The following INTS9 variants were observed in gnomAD, a reference collection of about 807,000 sequenced individuals.
The protein encoded by INTS9 is integrator complex subunit 9.
INTS9 carries 55 observed loss-of-function variants against 79.7 expected under a neutral mutation model. The ratio of observed to expected loss-of-function variants is 0.69; its 90% CI spans 0.56 to 0.86. The LOEUF is 0.86. Among genes scored for constraint, INTS9 ranks in the 40% least tolerant of loss-of-function variants. The probability of loss-of-function intolerance (pLI) is 0.00; values close to 1 mark genes in which losing one functional copy is unlikely to be tolerated. For missense variants in INTS9, 721 were observed against 831.5 expected (o/e 0.87, Z 1.64); for synonymous variants, 319 against 325.2 (o/e 0.98, Z 0.20).
chr8:28,801,753 C>T (rs931095331), intron 8 of INTS9, among the ~76,000 whole-genome samples: 1 of 152,148 alleles, frequency 6.6e-6, no homozygotes, highest in Non-Finnish European at 1.5e-5. Flanking sequence ...GCTGGGACCA[C>T]AGGTGTGTGC....
Position 28,768,191 on chromosome 8 carries a change from T to A in INTS9, c.1932A>T (p.Arg644Ser). Residue 644 changes from arginine to serine, a missense_variant, in exon 17 of 17, where the codon AGA becomes AGT. Physicochemically the swap from Arg to Ser is moderately radical, Grantham distance 110. Transcript: ENST00000521022. ...TGAGGACAAGGTCCCGCAGTCGCAC[T>A]CTGAGCATCTCGTCATTGTCGCAGA... ...HIICDNDEMLRVRLRDLVLKF... is the reference protein window; with the variant it reads ...HIICDNDEMLSVRLRDLVLKF... The A allele has an allele frequency of 6.2e-7, 1 of 1,614,218 alleles. No homozygotes were observed. The highest frequency in any genetic ancestry group is 8.5e-7 in the Non-Finnish European group (1 of 1,180,038).
In INTS9 at chr8:28,778,044, C is replaced by CAGTCAGGG. The variant is rs1803000008; in HGVS notation, c.1271-99_1271-92dup. 2.9e-6 allele frequency: 4 copies of CAGTCAGGG among 1,397,232 alleles called. No homozygotes were observed. In the East Asian group the frequency reaches 1.0e-4, roughly 36 times the overall value. The allele number at this position is 1,397,232 out of a possible 1,614,324, so 86.6% of individuals were successfully genotyped here. A position where few individuals can be genotyped will look rare whatever the true frequency, so the allele number is the denominator to read the frequency against. Reference sequence around the variant, plus strand: ...AACTGGGGCGCTGAGGGCCCACAGACAGTCAGGGGGTCAGGAGGGAGCCAG... The same window carrying CAGTCAGGG: ...AACTGGGGCGCTGAGGGCCCACAGACAGTCAGGGAGTCAGGGGGTCAGGAGGGAGCCAG... On this transcript the variant is annotated intron_variant, in intron 12 of 16. Coordinates refer to ENST00000521022, the MANE Select transcript of INTS9 (RefSeq NM_018250.4).
intron 11 of INTS9, among the ~76,000 whole-genome samples, chr8:28,786,603 T>C (rs554788880): frequency 6.6e-6 from 1 of 152,018 alleles, no homozygotes; most frequent in East Asian, 2.0e-4. Context: ...AAATTCTAGA[T>C]TTGTGTGTGT....
chr8:28,813,552 T>C lies in INTS9; in HGVS notation c.549A>G (p.Thr183=). Residue 183 remains threonine (T), a synonymous_variant, in exon 7 of 17, where the codon ACA becomes ACG. Transcript: ENST00000521022. ...VEVSTWRRCY[T]MQEVNSALSK... ...TAAGGGCAGAGTTCACCTCTTGCAT[T>C]GTATAGCATCTTCTCCAGGTTGAGA... The C allele has an allele frequency of 1.9e-6, 3 of 1,613,844 alleles. No individual in the cohort carries two copies. Among genetic ancestry groups the C allele is most frequent in the Non-Finnish European group, 2.5e-6 (3 of 1,179,738 alleles).
chr8:28,888,858 T>G (rs976424836), intron 1 of INTS9, among the ~76,000 whole-genome samples: 2 of 152,142 alleles, frequency 1.3e-5, no homozygotes, highest in Non-Finnish European at 2.9e-5. Context: ...AGGTGTGTTG[T>G]GTGGTTTGGC....
intron 1 of INTS9, among the ~76,000 whole-genome samples, chr8:28,879,067 T>C (rs1283601957): frequency 6.6e-6 from 1 of 152,132 alleles, no homozygotes; most frequent in African/African-American, 2.4e-5. Context: ...GAGGAAACAT[T>C]TTCCAACGCA....
At chr8:28,787,408 A>C (rs916515548) in intron 11 of INTS9, among the ~76,000 whole-genome samples, 6 of 152,250 alleles carry the variant, frequency 3.9e-5, no homozygotes, top group African/African-American at 1.4e-4. Context: ...GAACAGAAGC[A>C]GGCTATGAAT....
intron 6 of INTS9, among the ~76,000 whole-genome samples, chr8:28,817,336 G>T (rs1805547356): frequency 6.6e-6 from 1 of 152,154 alleles, no homozygotes; most frequent in Non-Finnish European, 1.5e-5. Context: ...TTTATATAAG[G>T]TGTAAGGAAG....
chr8:28,813,424 CCAAACAA>C (rs1423645341), intron 7 of INTS9, 61 bp downstream of exon 7: 37 of 1,504,634 alleles, frequency 2.5e-5, no homozygotes, highest in Non-Finnish European at 2.9e-5. Flanking sequence ...TAGGATTCTT[CCAAACAA>C]CAAACAACAA....
At chr8:28,863,129 G>A (rs1177903183) in intron 1 of INTS9, among the ~76,000 whole-genome samples, 1 of 152,070 alleles carries the variant, frequency 6.6e-6, no homozygotes, top group Admixed American at 6.5e-5. Flanking sequence ...ATTCTACAGC[G>A]GCATTCACTA....
At chr8:28,835,214 A>T (rs2131175690) in intron 6 of INTS9, 78 bp downstream of exon 6, 2 of 869,598 alleles carry the variant, frequency 2.3e-6, no homozygotes, top group Non-Finnish European at 3.7e-6. Context: ...TTAAGCATAG[A>T]GGAAGAAATC....
intron 6 of INTS9, among the ~76,000 whole-genome samples, chr8:28,813,855 G>A (rs1357436461): frequency 3.3e-5 from 5 of 151,986 alleles, no homozygotes; most frequent in Admixed American, 6.6e-5. Context: ...CCACCTCCCG[G>A]GTTCAAGCGA....
At chr8:28,850,722 C>T (rs974019521) in intron 2 of INTS9, among the ~76,000 whole-genome samples, 2 of 152,194 alleles carry the variant, frequency 1.3e-5, no homozygotes, top group Non-Finnish European at 2.9e-5. Context: ...CATCAGCATT[C>T]ACAACAAACA....
intron 1 of INTS9, chr8:28,862,164 T>C: frequency 1.0e-6 from 1 of 985,422 alleles, no homozygotes; most frequent in Non-Finnish European, 1.2e-6. Flanking sequence ...CAATTCCAGT[T>C]TTCTTCCTCT....
At chr8:28,825,095 A>C (rs1806073960) in intron 6 of INTS9, among the ~76,000 whole-genome samples, 1 of 152,062 alleles carries the variant, frequency 6.6e-6, no homozygotes. Context: ...TCAAGGAAAA[A>C]CCCAAGGTTC....
chr8:28,878,713 C>A (rs1006666378), intron 1 of INTS9, among the ~76,000 whole-genome samples: 24 of 151,264 alleles, frequency 1.6e-4, no homozygotes, highest in Middle Eastern at 3.2e-3. Context: ...CGCGGTGGCT[C>A]ACGCCTATAA....
Position 28,768,057 on chromosome 8 carries a change from A to T in INTS9, c.*89T>A. ...CAGAGGACACCACAAAGACACAGTT[A>T]ATGGCCTCTCATGCCACTCCTCAGG... On this transcript the variant is annotated 3_prime_UTR_variant, in exon 17 of 17. Transcript: ENST00000521022. 1 of 1,195,404 alleles carries T rather than the reference A, an allele frequency of 8.4e-7. No individual in the cohort carries two copies. Among genetic ancestry groups the T allele is most frequent in the Non-Finnish European group, 1.2e-6 (1 of 813,792 alleles). 74.0% of individuals were successfully genotyped at this position (1,195,404 alleles called of 1,614,324 possible). A position where few individuals can be genotyped will look rare whatever the true frequency, so the allele number is the denominator to read the frequency against.
chr8:28,782,534 C>T (rs1403716930), intron 11 of INTS9, among the ~76,000 whole-genome samples: 1 of 152,214 alleles, frequency 6.6e-6, no homozygotes, highest in African/African-American at 2.4e-5. Context: ...CATGTGTGCA[C>T]ACATGCACAC....
intron 1 of INTS9, among the ~76,000 whole-genome samples, chr8:28,868,766 T>C (rs1808901402): frequency 1.3e-5 from 2 of 152,202 alleles, no homozygotes; most frequent in Admixed American, 6.5e-5. Context: ...TCCTCTTTTA[T>C]ATAACCTGTC....
Sources: allele counts gnomAD v4.1 joint callset (sites outside exome capture counted in the v4.1 genomes callset), GRCh38; gene constraint gnomAD v4.1.1; transcripts MANE v1.5; gene names NCBI Gene and HGNC (gene_info 2026-07-23, HGNC 2026-07-21).